The following COL4A3 variants were observed in gnomAD, a reference collection of about 807,000 sequenced individuals.
COL4A3 encodes collagen type IV alpha 3 chain.
In COL4A3, 135 loss-of-function variants were observed where a neutral mutation model predicts 217.4. That is an observed-to-expected ratio of 0.62 (90% confidence interval 0.54 to 0.72). The LOEUF (loss-of-function observed/expected upper bound fraction) is 0.72. Among genes scored for constraint, COL4A3 ranks in the 30% least tolerant of loss-of-function variants. The pLI, the probability that COL4A3 is intolerant of heterozygous loss-of-function variation, is 0.00. For missense variants in COL4A3, 1,868 were observed against 2,119.9 expected, an observed-to-expected ratio of 0.88 and a Z score of 2.33; for synonymous variants, 690 against 736.3, an observed-to-expected ratio of 0.94 and a Z score of 1.02.
chr2:227,280,701 C>A (rs769855837), intron 30 of COL4A3, 111 bp downstream of exon 30: 83 of 1,302,728 alleles, frequency 6.4e-5, no homozygotes, highest in Admixed American at 1.9e-4. Context: ...AATGTTCCTG[C>A]CCTACCTTTC....
intron 1 of COL4A3, among the ~76,000 whole-genome samples, chr2:227,233,668 G>A (rs185983861): frequency 2.6e-5 from 4 of 152,130 alleles, no homozygotes; most frequent in African/African-American, 9.6e-5. Flanking sequence ...CCAAACTAAG[G>A]GACAATATCA....
intron 1 of COL4A3, among the ~76,000 whole-genome samples, chr2:227,176,927 G>A (rs888242039): frequency 6.6e-6 from 1 of 152,036 alleles, no homozygotes; most frequent in African/African-American, 2.4e-5. Flanking sequence ...GAACTTGCAT[G>A]CTGGCTTTAA....
chr2:227,187,486 G>A (rs6737880), intron 1 of COL4A3, among the ~76,000 whole-genome samples: 25,893 of 152,112 alleles, frequency 0.17, 2,376 homozygotes, highest in Admixed American at 0.25. Flanking sequence ...TAACTAGATG[G>A]GGTTTCTTGC....
intron 1 of COL4A3, among the ~76,000 whole-genome samples, chr2:227,180,430 C>A (rs1011510986): frequency 6.6e-6 from 1 of 152,198 alleles, no homozygotes; most frequent in Non-Finnish European, 1.5e-5. Context: ...CTGTGACCTG[C>A]TCAGGCCTTT....
chr2:227,251,766 C>G (rs2069754998), intron 11 of COL4A3, among the ~76,000 whole-genome samples: 2 of 152,104 alleles, frequency 1.3e-5, no homozygotes, highest in African/African-American at 4.8e-5. Context: ...CAGGGTCTTG[C>G]ATGCATTTCT....
At chr2:227,285,520 GAA>G (rs150656565) in intron 34 of COL4A3, among the ~76,000 whole-genome samples, 2 of 147,604 alleles carry the variant, frequency 1.4e-5, no homozygotes, top group Non-Finnish European at 3.0e-5. Context: ...GCCAAGATAT[GAA>G]AAAAAAAAAT....
intron 8 of COL4A3, 138 bp from the exon 9 acceptor site, chr2:227,248,305 A>G (rs1266615332): frequency 2.7e-6 from 2 of 731,080 alleles, no homozygotes; most frequent in Admixed American, 1.9e-5. Flanking sequence ...GAATAATTAC[A>G]AAATCATAAA....
intron 32 of COL4A3, 64 bp from the exon 33 acceptor site, chr2:227,283,703 T>C: frequency 2.3e-6 from 3 of 1,284,108 alleles, no homozygotes; most frequent in Non-Finnish European, 3.4e-6. Flanking sequence ...TTTTAGTATA[T>C]GGAATATTTT....
At chr2:227,192,097 T>A (rs1279711878) in intron 1 of COL4A3, among the ~76,000 whole-genome samples, 1 of 152,276 alleles carries the variant, frequency 6.6e-6, no homozygotes, top group African/African-American at 2.4e-5. Context: ...TATTCATTTT[T>A]ATCTCTCTTT....
At chr2:227,174,285 C>G (rs890429907) in intron 1 of COL4A3, among the ~76,000 whole-genome samples, 7 of 152,028 alleles carry the variant, frequency 4.6e-5, no homozygotes, top group African/African-American at 1.7e-4. Context: ...TATTGAAAAC[C>G]AACACACCAC....
At chr2:227,255,628 A>G (rs2070113167) in intron 15 of COL4A3, among the ~76,000 whole-genome samples, 2 of 152,196 alleles carry the variant, frequency 1.3e-5, no homozygotes, top group African/African-American at 4.8e-5. Flanking sequence ...GGAATTACCA[A>G]TATTTCAAAT....
At chr2:227,275,645 T>C (rs1206044191) in intron 26 of COL4A3, among the ~76,000 whole-genome samples, 1 of 152,240 alleles carries the variant, frequency 6.6e-6, no homozygotes, top group Admixed American at 6.5e-5. Context: ...TGTTTGCCAC[T>C]GTGGTCAGAA....
Position 227,282,339 on chromosome 2 carries a change from T to TAATTCATTCA in COL4A3, c.2489-25_2489-16dup. ...TAGGGGAAAGCATTTGTGGGTTAAT[T>TAATTCATTCA]AATTCATTCATTTATTCGTACACAG... On this transcript the variant is annotated intron_variant, in intron 31 of 51. Transcript: ENST00000396578. This position sits in a 1 kb window ranked among gnomAD's most constrained non-coding sequence, Gnocchi z 4.4. The TAATTCATTCA allele has an allele frequency of 6.3e-7, 1 of 1,589,386 alleles. No individual in the cohort carries two copies. The highest frequency in any genetic ancestry group is 1.7e-4 in the Middle Eastern group (1 of 5,994).
chr2:227,186,465 G>A (rs964871744), intron 1 of COL4A3, among the ~76,000 whole-genome samples: 2 of 152,224 alleles, frequency 1.3e-5, no homozygotes, highest in Admixed American at 6.5e-5. Flanking sequence ...CCAGGCTAGT[G>A]TGGGGAACAG....
At chr2:227,201,535 G>C (rs1250828339) in intron 1 of COL4A3, among the ~76,000 whole-genome samples, 1 of 152,178 alleles carries the variant, frequency 6.6e-6, no homozygotes, top group Non-Finnish European at 1.5e-5. Context: ...TAGAAGAATA[G>C]TAGCAATGTA....
intron 1 of COL4A3, among the ~76,000 whole-genome samples, chr2:227,174,084 G>A (rs958596937): frequency 1.3e-5 from 2 of 152,176 alleles, no homozygotes; most frequent in Non-Finnish European, 2.9e-5. Flanking sequence ...AGGCTGAGTT[G>A]TGCATAAATA....
chr2:227,171,807 CAGGAATGAA>C (rs1352523585), intron 1 of COL4A3, among the ~76,000 whole-genome samples: 1 of 152,106 alleles, frequency 6.6e-6, no homozygotes, highest in Non-Finnish European at 1.5e-5. Flanking sequence ...AGCTTTAGAG[CAGGAATGAA>C]AGGAAGGAAA....
intron 23 of COL4A3, 82 bp from the exon 24 acceptor site, chr2:227,269,828 A>G (rs1261836727): frequency 1.7e-6 from 2 of 1,184,982 alleles, no homozygotes; most frequent in Non-Finnish European, 1.3e-6. Flanking sequence ...GAAACACTCT[A>G]TTTTCTTCAT....
In COL4A3 at chr2:227,282,587, G is replaced by A; in HGVS notation, c.2656+55G>A. The A allele has an allele frequency of 6.5e-7, 1 of 1,531,022 alleles. No homozygotes were observed. 94.8% of individuals were successfully genotyped at this position (1,531,022 alleles called of 1,614,324 possible). On this transcript the variant is annotated intron_variant, in intron 32 of 51. Coordinates refer to ENST00000396578, the MANE Select transcript of COL4A3 (RefSeq NM_000091.5). This position sits in a 1 kb window ranked among gnomAD's most constrained non-coding sequence, Gnocchi z 4.4. ...CTTATTTCTTCTTCTTCTTAAGGTG[G>A]CTCTGTCAACTGTACATAGGCATAC...
Sources: gnomAD v4.1 joint callset for allele counts (sites outside exome capture counted in the v4.1 genomes callset) on GRCh38, gnomAD v4.1.1 for gene constraint, Gnocchi (gnomAD v3.1) non-coding constraint, MANE v1.5 for transcripts, NCBI Gene and HGNC (gene_info 2026-07-23, HGNC 2026-07-21) for gene names.